WDR59: variants seen among roughly 807,000 people sequenced by gnomAD.
WDR59 encodes the protein WD repeat domain 59, also known as GATOR2 complex protein WDR59.
In WDR59, 100 loss-of-function variants were observed where a neutral mutation model predicts 131.2. The observed-to-expected ratio is 0.76, with a 90% confidence interval of 0.65 to 0.90. WDR59 has a LOEUF of 0.90. Among genes scored for constraint, WDR59 ranks in the 40% least tolerant of loss-of-function variants. The pLI is 0.00. For synonymous variants in WDR59, 601 were observed against 466.2 expected, an observed-to-expected ratio of 1.29 and a Z score of -3.72; for missense variants, 1,203 against 1,262.2, an observed-to-expected ratio of 0.95 and a Z score of 0.71.
At chr16:74,912,104 G>A (rs749400641) in intron 14 of WDR59, 94 bp downstream of exon 14, 319 of 1,546,952 alleles carry the variant, frequency 2.1e-4, no homozygotes, top group Non-Finnish European at 2.6e-4. Flanking sequence ...GATGACTTCC[G>A]AATCTCATCT....
At chr16:74,913,827 T>A (rs754259942) in intron 13 of WDR59, among the ~76,000 whole-genome samples, 3 of 152,250 alleles carry the variant, frequency 2.0e-5, no homozygotes. Flanking sequence ...CTTCTGGGAA[T>A]GATGAATATG....
rs375654496 is a variant in WDR59 at position 74,912,316 on chromosome 16, T to C, written c.1271A>G (p.Asn424Ser). The change falls in exon 14 of 26, where the codon AAC (asparagine) becomes AGC (serine). Residue 424 changes from asparagine to serine, a missense_variant. By Grantham distance (46) the Asn-to-Ser change is conservative. Coordinates refer to ENST00000262144, the MANE Select transcript of WDR59 (RefSeq NM_030581.4). Reference protein sequence around the residue: ...RSCTVSVHCSNHRVKMLVKFP... With the variant: ...RSCTVSVHCSSHRVKMLVKFP... ...CTTCACCAGCATCTTGACACGATGG[T>C]TGCTGCAGTGCACAGACACTGTGCA... 176 of 1,614,134 alleles carry C rather than the reference T, an allele frequency of 1.1e-4. 4 individuals are homozygous for C. The South Asian group carries it at 1.3e-3, about 12-fold the overall frequency.
intron 23 of WDR59, among the ~76,000 whole-genome samples, chr16:74,887,413 G>C (rs1011620918): frequency 6.6e-6 from 1 of 152,078 alleles, no homozygotes; most frequent in Admixed American, 6.6e-5. Context: ...ATAAGGGTTA[G>C]GTTTTGGGGG....
intron 2 of WDR59, among the ~76,000 whole-genome samples, chr16:74,958,415 C>T (rs1261664796): frequency 1.3e-5 from 2 of 151,146 alleles, no homozygotes; most frequent in African/African-American, 4.9e-5. Context: ...CATGGTGAAA[C>T]CCTGTCTCTA....
At chr16:74,949,965 G>A (rs1017033626) in intron 4 of WDR59, 167 bp from the exon 5 acceptor site, 22 of 693,826 alleles carry the variant, frequency 3.2e-5, no homozygotes, top group Non-Finnish European at 5.5e-5. Context: ...ACGAACATGA[G>A]TTTGGAAGGA....
chr16:74,880,696 T>C (rs1964439669), intron 25 of WDR59, among the ~76,000 whole-genome samples: 2 of 152,270 alleles, frequency 1.3e-5, no homozygotes, highest in South Asian at 4.1e-4. Context: ...TGAAACTTGA[T>C]AGAGGTGAAA....
intron 18 of WDR59, among the ~76,000 whole-genome samples, chr16:74,899,425 G>A (rs1380578584): frequency 6.6e-6 from 1 of 152,138 alleles, no homozygotes; most frequent in East Asian, 1.9e-4. Flanking sequence ...TTACAATCAG[G>A]GTTCTTTCCA....
intron 1 of WDR59, among the ~76,000 whole-genome samples, chr16:74,980,171 T>C (rs918049502): frequency 1.3e-5 from 2 of 151,796 alleles, no homozygotes; most frequent in Admixed American, 6.6e-5. Context: ...AGTTTTCTTA[T>C]AGTGTTAACA....
intron 22 of WDR59, 59 bp from the exon 23 acceptor site, chr16:74,887,814 A>G: frequency 6.5e-7 from 1 of 1,528,860 alleles, no homozygotes; most frequent in Non-Finnish European, 9.0e-7. Context: ...TCCCCATGAC[A>G]GTTCACATTA....
chr16:74,942,913 G>C (rs2032343409), intron 6 of WDR59, 87 bp from the exon 7 acceptor site: 1 of 1,224,880 alleles, frequency 8.2e-7, no homozygotes, highest in Admixed American at 2.2e-5. Context: ...TGGATAATGA[G>C]TTCTGGCTGA....
chr16:74,937,220 T>A (rs1382547484), intron 8 of WDR59, among the ~76,000 whole-genome samples: 1 of 152,210 alleles, frequency 6.6e-6, no homozygotes, highest in Non-Finnish European at 1.5e-5. Context: ...CACTGTACCT[T>A]GTGATAAACC....
intron 25 of WDR59, among the ~76,000 whole-genome samples, chr16:74,879,564 C>A (rs966667455): frequency 1.3e-5 from 2 of 152,148 alleles, no homozygotes; most frequent in African/African-American, 2.4e-5. Flanking sequence ...AAATTTAATT[C>A]TGGCTAATGA....
chr16:74,981,631 TATATATATATATATA>T (rs2034413597), intron 1 of WDR59, among the ~76,000 whole-genome samples: 12 of 5,802 alleles, frequency 2.1e-3, no homozygotes, highest in African/African-American at 6.1e-3. Context: ...TATATATATA[TATATATATATATATA>T]TATATATATA....
intron 20 of WDR59, among the ~76,000 whole-genome samples, chr16:74,890,114 G>A (rs758111192): frequency 4.6e-5 from 7 of 152,074 alleles, no homozygotes; most frequent in Non-Finnish European, 8.8e-5. Context: ...TAATTTCAGT[G>A]GGTCATCTAC....
In WDR59 at chr16:74,872,671, T is replaced by G. The variant is rs1177682450; in HGVS notation, c.*1538A>C. On this transcript the variant is annotated 3_prime_UTR_variant, in exon 26 of 26. Transcript: ENST00000262144. ...AGAACACAGGCAAACACAGGCAGTT[T>G]GCGAGGGAGCCTAAAGGAAGAGTGA... 1.3e-5 allele frequency: 2 copies of G among 152,152 alleles called. No individual in the cohort carries two copies. Among genetic ancestry groups the G allele is most frequent in the Admixed American group, 1.3e-4 (2 of 15,270 alleles). The allele number at this position is 152,152 out of a possible 1,614,324, so 9.4% of individuals were successfully genotyped here. A position where few individuals can be genotyped will look rare whatever the true frequency, so the allele number is the denominator to read the frequency against.
intron 11 of WDR59, among the ~76,000 whole-genome samples, chr16:74,916,722 G>T (rs897485895): frequency 6.6e-6 from 1 of 152,090 alleles, no homozygotes; most frequent in Non-Finnish European, 1.5e-5. Context: ...AGCCAGGCAT[G>T]GTGGCGGACG....
chr16:74,974,621 G>C (rs911054724), intron 1 of WDR59, among the ~76,000 whole-genome samples: 2 of 152,162 alleles, frequency 1.3e-5, no homozygotes, highest in African/African-American at 4.8e-5. Context: ...TCCTTAACTA[G>C]TAAGAGAGCC....
chr16:74,974,835 G>T (rs1056390592), intron 1 of WDR59, among the ~76,000 whole-genome samples: 22 of 152,282 alleles, frequency 1.4e-4, no homozygotes, highest in Admixed American at 1.4e-3. Flanking sequence ...CACACGAAAG[G>T]AATTAAGCAT....
chr16:74,920,393 G>C (rs1157614649), intron 10 of WDR59, among the ~76,000 whole-genome samples: 2 of 151,966 alleles, frequency 1.3e-5, no homozygotes, highest in African/African-American at 4.8e-5. Context: ...GGTTAGGTGG[G>C]TTAAATATAT....
Sources: gnomAD v4.1 joint callset for allele counts (sites outside exome capture counted in the v4.1 genomes callset) on GRCh38, gnomAD v4.1.1 for gene constraint, MANE v1.5 for transcripts, NCBI Gene and HGNC (gene_info 2026-07-23, HGNC 2026-07-21) for gene names.